ERG: variants seen among roughly 807,000 people sequenced by gnomAD.
The protein encoded by ERG is transcriptional regulator ERG.
ERG carries 9 observed loss-of-function variants against 55.3 expected under a neutral mutation model. The ratio of observed to expected loss-of-function variants is 0.16; its 90% CI spans 0.10 to 0.28. The LOEUF is 0.28. Among genes scored for constraint, ERG ranks in the 10% least tolerant of loss-of-function variants. ERG has a pLI of 1.00. For synonymous variants in ERG, 223 were observed against 237.3 expected (o/e 0.94, Z 0.55); for missense variants, 434 against 631.6 (o/e 0.69, Z 3.35).
At chr21:38,531,937 T>C (rs562653280) in intron 2 of ERG, among the ~76,000 whole-genome samples, 11 of 152,264 alleles carry the variant, frequency 7.2e-5, no homozygotes, top group African/African-American at 1.4e-4. Context: ...ACTGAGGCAA[T>C]TGTGTAGACA....
chr21:38,402,356 G>A (rs1988535047), intron 5 of ERG, among the ~76,000 whole-genome samples: 1 of 152,134 alleles, frequency 6.6e-6, no homozygotes, highest in African/African-American at 2.4e-5. Flanking sequence ...TCAAAGTGGG[G>A]TGCTTGGGAA....
At chr21:38,498,629 CA>C, upstream of ERG, 1 of 653,416 alleles carries the variant, frequency 1.5e-6, no homozygotes, top group South Asian at 4.4e-5. The surrounding 1 kb of genome is among the most constrained non-coding windows in gnomAD (Gnocchi z 4.6). Flanking sequence ...GATATGCAGC[CA>C]GGAGATTTTT....
chr21:38,385,532 A>G (rs1207730741), intron 9 of ERG, among the ~76,000 whole-genome samples: 1 of 152,208 alleles, frequency 6.6e-6, no homozygotes, highest in Non-Finnish European at 1.5e-5. Context: ...TGTTGGCTAC[A>G]TGGACATGGA....
intron 1 of ERG, among the ~76,000 whole-genome samples, chr21:38,639,381 T>G (rs1017316368): frequency 8.6e-5 from 13 of 150,372 alleles, no homozygotes; most frequent in African/African-American, 2.7e-4. Context: ...AAAAAAACTA[T>G]CATTAAGATC....
chr21:38,638,084 G>A (rs1442408092), intron 1 of ERG, among the ~76,000 whole-genome samples: 1 of 152,206 alleles, frequency 6.6e-6, no homozygotes, highest in Non-Finnish European at 1.5e-5. Context: ...AAATGCTGAG[G>A]GGAAGATCTG....
rs183240808 is a variant in ERG, at chr21:38,516,162, T to A, written c.-41+59500A>T. On this transcript the variant is annotated intron_variant, in intron 2 of 8. Transcript: ENST00000398897. ...ATCAGGCAAGAGAAAGCAATAAAGG[T>A]CATCCAAACTGGAAAAGAAGTCAAA... Among the ~76,000 whole-genome samples the A allele has an allele frequency of 8.9e-3, 1,358 of 151,984 alleles. 16 individuals are homozygous for A. The highest frequency in any genetic ancestry group is 0.011 in the Admixed American group (166 of 15,262).
upstream of ERG, among the ~76,000 whole-genome samples, chr21:38,503,265 C>T (rs1203275904): frequency 6.6e-6 from 1 of 152,032 alleles, no homozygotes. Flanking sequence ...AAAATACAGG[C>T]ATGTTCTGTA....
At chr21:38,640,781 G>T (rs974992966) in intron 1 of ERG, among the ~76,000 whole-genome samples, 3 of 152,118 alleles carry the variant, frequency 2.0e-5, no homozygotes. Flanking sequence ...CAAATGAAAA[G>T]CTCATGAAAA....
intron 1 of ERG, among the ~76,000 whole-genome samples, chr21:38,621,708 G>A (rs76143536): frequency 1.3e-5 from 2 of 152,152 alleles, no homozygotes; most frequent in Non-Finnish European, 2.9e-5. Flanking sequence ...CCCCAGAAAG[G>A]AGGGTTAGTC....
At chr21:38,482,500 A>T (rs2059246736) in intron 1 of ERG, among the ~76,000 whole-genome samples, 1 of 152,176 alleles carries the variant, frequency 6.6e-6, no homozygotes, top group African/African-American at 2.4e-5. Context: ...ATGACCCAGC[A>T]ATCCCTTTTC....
At chr21:38,566,139 C>A (rs904846910) in intron 2 of ERG, among the ~76,000 whole-genome samples, 1 of 152,120 alleles carries the variant, frequency 6.6e-6, no homozygotes, top group Admixed American at 6.5e-5. Flanking sequence ...TATCAATGAT[C>A]ATTCTTTCAT....
At chr21:38,589,126 C>T (rs998846721), upstream of ERG, among the ~76,000 whole-genome samples, 12 of 152,280 alleles carry the variant, frequency 7.9e-5, no homozygotes, top group East Asian at 1.7e-3. Context: ...CTGGCCACCA[C>T]GTGTAAGCAG....
chr21:38,558,106 GGTACCAGAC>G (rs1437918517), intron 2 of ERG, among the ~76,000 whole-genome samples: 1 of 151,966 alleles, frequency 6.6e-6, no homozygotes, highest in African/African-American at 2.4e-5. Context: ...CTAAAAAAGA[GGTACCAGAC>G]TATTAAGGCA....
chr21:38,381,074 C>G lies in ERG; in HGVS notation c.*2329G>C. 9.4e-7 allele frequency: 1 copy of G among 1,064,752 alleles called. No individual in the cohort carries two copies. Among genetic ancestry groups the G allele is most frequent in the African/African-American group, 1.6e-5 (1 of 61,138 alleles). 66.0% of individuals were successfully genotyped at this position (1,064,752 alleles called of 1,614,324 possible). A position where few individuals can be genotyped will look rare whatever the true frequency, so the allele number is the denominator to read the frequency against. On this transcript the variant is annotated 3_prime_UTR_variant, in exon 10 of 10. Transcript: ENST00000288319. ...TGCTGCAAAATGATGGATGGTTGGG[C>G]TCCGTCTAATCCAAATGACACGGGG...
chr21:38,594,300 T>C (rs2060118649), intron 1 of ERG, among the ~76,000 whole-genome samples: 1 of 152,008 alleles, frequency 6.6e-6, no homozygotes, highest in East Asian at 1.9e-4. Context: ...ATATTTAAAA[T>C]AGAAATCATG....
intron 9 of ERG, among the ~76,000 whole-genome samples, chr21:38,388,012 G>A (rs1057366406): frequency 1.3e-5 from 2 of 152,242 alleles, no homozygotes; most frequent in African/African-American, 4.8e-5. Flanking sequence ...AGCCTCCTCA[G>A]GTCCTTTCCA....
intron 1 of ERG, among the ~76,000 whole-genome samples, chr21:38,623,731 G>A (rs546497918): frequency 6.6e-6 from 1 of 152,158 alleles, no homozygotes; most frequent in African/African-American, 2.4e-5. Flanking sequence ...ATGTAAGTAA[G>A]GCAAAGGTTG....
chr21:38,552,806 A>G (rs1601232137), intron 2 of ERG, among the ~76,000 whole-genome samples: 1 of 151,666 alleles, frequency 6.6e-6, no homozygotes, highest in East Asian at 1.9e-4. Context: ...CTCTTAGTCA[A>G]TATAGTACTG....
At chr21:38,637,372 G>C (rs751225174) in intron 1 of ERG, among the ~76,000 whole-genome samples, 4 of 152,188 alleles carry the variant, frequency 2.6e-5, no homozygotes, top group Non-Finnish European at 5.9e-5. Context: ...TTACTAATCT[G>C]GGTGTTCAAA....
Sources: gnomAD v4.1 joint callset for allele counts (sites outside exome capture counted in the v4.1 genomes callset) on GRCh38, gnomAD v4.1.1 for gene constraint, Gnocchi (gnomAD v3.1) non-coding constraint, MANE v1.5 for transcripts, NCBI Gene and HGNC (gene_info 2026-07-23, HGNC 2026-07-21) for gene names.